Variants in PCDH11Y observed in about 807,000 individuals in gnomAD.
The protein encoded by PCDH11Y is protocadherin 11 Y-linked.
For synonymous variants in PCDH11Y, 9 were observed against 83.6 expected, an observed-to-expected ratio of 0.11 and a Z score of 4.87; for missense variants, 12 against 224.8, an observed-to-expected ratio of 0.05 and a Z score of 6.05.
chrY:5,627,150 A>G, intron 4 of PCDH11Y, among the ~76,000 whole-genome samples: 2 of 30,576 alleles, frequency 6.5e-5, no homozygotes, highest in African/African-American at 2.6e-4. Flanking sequence ...CCGCCACCAT[A>G]CATGACTAAT....
intron 2 of PCDH11Y, among the ~76,000 whole-genome samples, chrY:5,231,469 C>T: frequency 3.0e-5 from 1 of 33,215 alleles, no homozygotes; most frequent in Non-Finnish European, 7.4e-5. Flanking sequence ...CTCTTGTTCT[C>T]TTCTCTTACA....
intron 1 of PCDH11Y, among the ~76,000 whole-genome samples, chrY:5,083,160 A>T (rs2052723681): frequency 8.9e-5 from 3 of 33,640 alleles, no homozygotes; most frequent in African/African-American, 3.5e-4. Context: ...AGTTGTGCAG[A>T]TGGGTTGAAA....
intron 2 of PCDH11Y, among the ~76,000 whole-genome samples, chrY:5,479,125 T>C (rs2053322974): frequency 3.0e-5 from 1 of 33,030 alleles, no homozygotes; most frequent in South Asian, 6.8e-4. Flanking sequence ...TTCTCCATAG[T>C]GTCATTGGTC....
chrY:5,242,858 G>A (rs2052990156), intron 2 of PCDH11Y, among the ~76,000 whole-genome samples: 34 of 33,658 alleles, frequency 1.0e-3, no homozygotes, highest in African/African-American at 3.7e-3. Flanking sequence ...GATAATTTAA[G>A]AAAATAGTTA....
At chrY:5,069,188 G>A (rs2052694813) in intron 1 of PCDH11Y, among the ~76,000 whole-genome samples, 1 of 32,714 alleles carries the variant, frequency 3.1e-5, no homozygotes, top group Non-Finnish European at 7.5e-5. Context: ...TTTCTGAGCT[G>A]GCATTGTTCA....
At chrY:5,069,183 G>C (rs2052694737) in intron 1 of PCDH11Y, among the ~76,000 whole-genome samples, 1 of 32,901 alleles carries the variant, frequency 3.0e-5, no homozygotes, top group Non-Finnish European at 7.4e-5. Context: ...ATTTTTTTCT[G>C]AGCTGGCATT....
intron 3 of PCDH11Y, among the ~76,000 whole-genome samples, chrY:5,547,159 G>A: frequency 3.1e-5 from 1 of 31,825 alleles, no homozygotes; most frequent in African/African-American, 1.2e-4. Context: ...TACAATTCAA[G>A]GTCAGGTCCA....
chrY:5,108,927 G>A, downstream of PCDH11Y, among the ~76,000 whole-genome samples: 1 of 31,680 alleles, frequency 3.2e-5, no homozygotes, highest in Non-Finnish European at 7.6e-5. Context: ...TGAATTCCAT[G>A]TTGTAATTGT....
chrY:5,000,916 A>G, intron 1 of PCDH11Y, among the ~76,000 whole-genome samples: 1 of 33,636 alleles, frequency 3.0e-5, no homozygotes, highest in African/African-American at 1.2e-4. Flanking sequence ...TTGGCTGTGC[A>G]AAAAGGTCTC....
intron 2 of PCDH11Y, among the ~76,000 whole-genome samples, chrY:5,431,873 C>T: frequency 3.0e-5 from 1 of 33,213 alleles, no homozygotes; most frequent in Non-Finnish European, 7.4e-5. Flanking sequence ...GTTATACATA[C>T]TTGAGGTTAG....
chrY:5,116,948 T>C (rs2052811461), intron 2 of PCDH11Y, among the ~76,000 whole-genome samples: 1 of 32,496 alleles, frequency 3.1e-5, no homozygotes, highest in East Asian at 8.2e-4. Flanking sequence ...ATGTAGAATG[T>C]GTTAGAACTC....
At position 5,070,969 on chromosome Y, in the gene PCDH11Y, CTTGATT is replaced by C. The variant is rs2052698754; in HGVS notation, c.636+13516_636+13521del. Among the ~76,000 whole-genome samples the C allele has an allele frequency of 1.0e-4, 3 of 29,631 alleles. No individual in the cohort carries two copies. In the East Asian group the frequency reaches 2.7e-3, roughly 27 times the overall value. 79.5% of individuals were successfully genotyped at this position (29,631 alleles called of 37,273 possible). The stretch of plus-strand genomic sequence containing the variant: ...ACTTGGCAGTTTGCCAAATCAGAAA[CTTGATT>C]TTGATAAGAGAAAAATGTCTATTTC... On this transcript the variant is annotated intron_variant, in intron 1 of 1. Coordinates refer to ENST00000215473, the Ensembl canonical transcript of PCDH11Y.
chrY:5,012,806 C>A, intron 1 of PCDH11Y, among the ~76,000 whole-genome samples: 1 of 27,362 alleles, frequency 3.7e-5, no homozygotes, highest in Non-Finnish European at 8.4e-5. Context: ...AGAAAACTTA[C>A]TCTATGGTAA....
At chrY:5,509,168 A>G (rs2053361668) in intron 3 of PCDH11Y, among the ~76,000 whole-genome samples, 1 of 32,537 alleles carries the variant, frequency 3.1e-5, no homozygotes, top group Non-Finnish European at 7.6e-5. Context: ...AGAGAAAAGT[A>G]GTATAAAATT....
intron 2 of PCDH11Y, among the ~76,000 whole-genome samples, chrY:5,246,393 C>T: frequency 3.0e-5 from 1 of 33,127 alleles, no homozygotes; most frequent in Admixed American, 2.7e-4. Context: ...TCAGCAGAAA[C>T]CCTACAGGCC....
At chrY:5,043,612 G>T (rs2052621412) in intron 3 of PCDH11Y, among the ~76,000 whole-genome samples, 2 of 33,401 alleles carry the variant, frequency 6.0e-5, no homozygotes. Flanking sequence ...GTATCAGGAT[G>T]ATGCTGGCCT....
intron 4 of PCDH11Y, among the ~76,000 whole-genome samples, chrY:5,662,250 A>G (rs2053541559): frequency 3.3e-5 from 1 of 30,592 alleles, no homozygotes; most frequent in African/African-American, 1.3e-4. Context: ...TCTTAAATCC[A>G]GATTATAACA....
intron 2 of PCDH11Y, among the ~76,000 whole-genome samples, chrY:5,346,291 G>A (rs2053152485): frequency 3.2e-5 from 1 of 31,448 alleles, no homozygotes; most frequent in African/African-American, 1.2e-4. Flanking sequence ...GTACAGTGGC[G>A]CAATCTCGGC....
At chrY:5,211,091 G>T (rs2052938127) in intron 2 of PCDH11Y, among the ~76,000 whole-genome samples, 1 of 30,574 alleles carries the variant, frequency 3.3e-5, no homozygotes, top group African/African-American at 1.3e-4. Context: ...AGGCCCAACA[G>T]AACTCAGTGG....
Sources: allele counts gnomAD v4.1 joint callset (sites outside exome capture counted in the v4.1 genomes callset), GRCh38; gene constraint gnomAD v4.1.1; transcripts MANE v1.5; gene names NCBI Gene and HGNC (gene_info 2026-07-23, HGNC 2026-07-21).